Variants in EYS observed in about 807,000 individuals in gnomAD.
The protein encoded by EYS is protein eyes shut homolog.
EYS carries 250 observed loss-of-function variants against 282.1 expected under a neutral mutation model. That is an observed-to-expected ratio of 0.89 (90% CI 0.80 to 0.98). The LOEUF is 0.98. Among genes scored for constraint, EYS ranks in the 50% least tolerant of loss-of-function variants. The pLI is 0.00. For missense variants in EYS, 4,016 were observed against 3,709.0 expected (o/e 1.08, Z -2.15); for synonymous variants, 1,355 against 1,282.9 (o/e 1.06, Z -1.20).
At chr6:64,808,835 A>G (rs1764512201) in intron 22 of EYS, among the ~76,000 whole-genome samples, 1 of 152,104 alleles carries the variant, frequency 6.6e-6, no homozygotes, top group African/African-American at 2.4e-5. Flanking sequence ...AAATAATAAA[A>G]TGTTTTCATG....
intron 22 of EYS, among the ~76,000 whole-genome samples, chr6:64,744,682 C>T (rs551754460): frequency 6.6e-6 from 1 of 152,040 alleles, no homozygotes; most frequent in East Asian, 1.9e-4. Context: ...AAAAGTAATG[C>T]TAGTTTTAGA....
chr6:63,832,202 G>T (rs895937963), intron 36 of EYS, among the ~76,000 whole-genome samples: 1 of 152,144 alleles, frequency 6.6e-6, no homozygotes, highest in African/African-American at 2.4e-5. Flanking sequence ...CAGAAGGCAA[G>T]AAATAACTAA....
chr6:64,433,444 A>C (rs1311697979), intron 28 of EYS, among the ~76,000 whole-genome samples: 1 of 152,050 alleles, frequency 6.6e-6, no homozygotes, highest in Non-Finnish European at 1.5e-5. Context: ...CTGAAAAATA[A>C]AATTAATGGA....
chr6:65,086,291 A>G (rs1006161350), intron 12 of EYS, among the ~76,000 whole-genome samples: 1 of 151,988 alleles, frequency 6.6e-6, no homozygotes, highest in Admixed American at 6.6e-5. Flanking sequence ...ACTCCAGCCT[A>G]AGCGTCAGAG....
At chr6:65,073,932 C>G (rs1225317857) in intron 12 of EYS, among the ~76,000 whole-genome samples, 2 of 151,876 alleles carry the variant, frequency 1.3e-5, no homozygotes, top group African/African-American at 4.8e-5. Context: ...AAGTGATTCT[C>G]TGAAAATGAG....
At chr6:65,381,098 C>T (rs1057173380) in intron 8 of EYS, among the ~76,000 whole-genome samples, 6 of 152,206 alleles carry the variant, frequency 3.9e-5, no homozygotes, top group African/African-American at 1.2e-4. Flanking sequence ...CCATTTGACC[C>T]AGCAATCCCA....
At chr6:63,753,812 G>T (rs1474865248) in intron 41 of EYS, among the ~76,000 whole-genome samples, 1 of 152,166 alleles carries the variant, frequency 6.6e-6, no homozygotes, top group Non-Finnish European at 1.5e-5. Flanking sequence ...TTATCTGCTA[G>T]AAATGTTTTT....
intron 36 of EYS, among the ~76,000 whole-genome samples, chr6:63,833,658 C>T (rs1434158888): frequency 1.3e-5 from 2 of 152,146 alleles, no homozygotes; most frequent in African/African-American, 2.4e-5. Flanking sequence ...AGATTCAATG[C>T]CTTCCCCATC....
At chr6:63,742,884 G>A (rs142263250) in intron 41 of EYS, among the ~76,000 whole-genome samples, 2 of 152,282 alleles carry the variant, frequency 1.3e-5, no homozygotes, top group African/African-American at 4.8e-5. Context: ...AAGGACATTT[G>A]GGTAGTTTTT....
intron 12 of EYS, among the ~76,000 whole-genome samples, chr6:65,157,898 A>C (rs899051996): frequency 1.3e-5 from 2 of 150,824 alleles, no homozygotes; most frequent in African/African-American, 4.8e-5. Flanking sequence ...AGCCTATATC[A>C]TGTATAGCGT....
intron 30 of EYS, among the ~76,000 whole-genome samples, chr6:64,250,833 A>G (rs907543265): frequency 7.9e-5 from 12 of 152,178 alleles, no homozygotes; most frequent in Non-Finnish European, 1.5e-4. Flanking sequence ...AAATAATGAT[A>G]TATCTTCCAT....
In EYS at chr6:65,083,518, G is replaced by T. The variant is rs987831710; in HGVS notation, c.2024-25791C>A. 1.8e-4 allele frequency among the ~76,000 whole-genome samples: 28 copies of T among 151,812 alleles called. 1 individual carries two copies. The East Asian group carries it at 5.0e-3, about 27-fold the overall frequency. On this transcript the variant is annotated intron_variant, in intron 12 of 42. Transcript: ENST00000503581. ...ATTTGTTTTGTTTCCTAGATAAATT[G>T]ATTTATATTCAATGATTTGTCTGTA...
intron 5 of EYS, among the ~76,000 whole-genome samples, chr6:65,486,839 G>C (rs1037084111): frequency 6.6e-6 from 1 of 152,142 alleles, no homozygotes; most frequent in Non-Finnish European, 1.5e-5. Flanking sequence ...TTTTGAATAA[G>C]TAAAATATAG....
chr6:65,622,552 G>A (rs1321092790), intron 2 of EYS, among the ~76,000 whole-genome samples: 1 of 151,850 alleles, frequency 6.6e-6, no homozygotes, highest in Non-Finnish European at 1.5e-5. Context: ...CTATACAACA[G>A]TTTTATGGGA....
intron 22 of EYS, among the ~76,000 whole-genome samples, chr6:64,802,612 C>G (rs947499310): frequency 1.3e-5 from 2 of 152,142 alleles, no homozygotes; most frequent in African/African-American, 4.8e-5. Flanking sequence ...TTTCACACTA[C>G]TAATTTACCT....
chr6:64,528,092 A>G (rs1051901039), intron 26 of EYS, among the ~76,000 whole-genome samples: 1 of 151,952 alleles, frequency 6.6e-6, no homozygotes, highest in African/African-American at 2.4e-5. Context: ...TATGAATTCA[A>G]TTACAACATG....
intron 36 of EYS, among the ~76,000 whole-genome samples, chr6:63,818,561 C>G (rs1261272234): frequency 1.3e-5 from 2 of 152,176 alleles, no homozygotes; most frequent in Non-Finnish European, 2.9e-5. Flanking sequence ...CCTGTACACT[C>G]TATTTACTTC....
chr6:64,499,977 T>C (rs1229417640), intron 26 of EYS, among the ~76,000 whole-genome samples: 1 of 152,104 alleles, frequency 6.6e-6, no homozygotes, highest in Non-Finnish European at 1.5e-5. Context: ...TTACTACAAG[T>C]AGACAAGTAA....
chr6:64,015,876 C>T (rs544792594), intron 33 of EYS, among the ~76,000 whole-genome samples: 10 of 152,314 alleles, frequency 6.6e-5, no homozygotes, highest in Middle Eastern at 3.4e-3. Context: ...CAAGTAATGC[C>T]AGGATGAGTT....
Sources: gnomAD v4.1 joint callset for allele counts (sites outside exome capture counted in the v4.1 genomes callset) on GRCh38, gnomAD v4.1.1 for gene constraint, MANE v1.5 for transcripts, NCBI Gene and HGNC (gene_info 2026-07-23, HGNC 2026-07-21) for gene names.